DCLK1: variants seen among roughly 807,000 people sequenced by gnomAD.
DCLK1 encodes doublecortin like kinase 1, also known as serine/threonine-protein kinase DCLK1.
DCLK1 carries 16 observed loss-of-function variants against 86.2 expected under a neutral mutation model. The ratio of observed to expected loss-of-function variants is 0.19; its 90% CI spans 0.13 to 0.28. The LOEUF (loss-of-function observed/expected upper bound fraction) is 0.28. DCLK1 is among the 10% of genes least tolerant of loss of function. The pLI, the probability that DCLK1 is intolerant of heterozygous loss-of-function variation, is 1.00. For missense variants in DCLK1, 590 were observed against 940.2 expected, an observed-to-expected ratio of 0.63 and a Z score of 4.87; for synonymous variants, 369 against 370.5, an observed-to-expected ratio of 1.00 and a Z score of 0.05.
chr13:35,788,763 T>A (rs1266488571), intron 16 of DCLK1, among the ~76,000 whole-genome samples: 1 of 152,158 alleles, frequency 6.6e-6, no homozygotes, highest in East Asian at 1.9e-4. Flanking sequence ...ATTACAGCAT[T>A]TAAATTTCTG....
Position 35,890,549 on chromosome 13 carries a change from A to T in DCLK1, c.824-19209T>A, listed in dbSNP as rs181671385. Among the ~76,000 whole-genome samples, 476 of 152,258 alleles carry T rather than the reference A, an allele frequency of 3.1e-3. 1 individual carries two copies. Among genetic ancestry groups the T allele is most frequent in the African/African-American group, 0.011 (456 of 41,554 alleles). On this transcript the variant is annotated intron_variant, in intron 4 of 16. Coordinates refer to ENST00000360631, the MANE Select transcript of DCLK1 (RefSeq NM_001330071.2). Reference sequence around the variant, plus strand: ...TGTGATTACAAATAAACTGCAGTAAACCTTATAAAATACTTTGGTATATTT... The same window carrying T: ...TGTGATTACAAATAAACTGCAGTAATCCTTATAAAATACTTTGGTATATTT...
intron 2 of DCLK1, among the ~76,000 whole-genome samples, chr13:36,119,115 T>A (rs1885892435): frequency 6.6e-6 from 1 of 152,134 alleles, no homozygotes. Context: ...AAGAATGAAT[T>A]CTGGAAAATG....
At chr13:35,965,031 C>T (rs1299136186) in intron 3 of DCLK1, among the ~76,000 whole-genome samples, 2 of 152,148 alleles carry the variant, frequency 1.3e-5, no homozygotes, top group African/African-American at 4.8e-5. Context: ...TGACCGCTGA[C>T]TTAAGCCATA....
chr13:36,109,704 T>C (rs1459485942), intron 3 of DCLK1, among the ~76,000 whole-genome samples: 1 of 152,218 alleles, frequency 6.6e-6, no homozygotes, highest in Non-Finnish European at 1.5e-5. Flanking sequence ...ATAATGAAGC[T>C]CAGTTAAGTG....
At chr13:35,887,110 T>C (rs1449569610) in intron 4 of DCLK1, among the ~76,000 whole-genome samples, 1 of 152,230 alleles carries the variant, frequency 6.6e-6, no homozygotes, top group East Asian at 1.9e-4. Context: ...TCTGTCTTCA[T>C]AGATAAATCC....
intron 4 of DCLK1, among the ~76,000 whole-genome samples, chr13:35,911,422 G>A (rs1037181750): frequency 3.3e-5 from 5 of 152,098 alleles, no homozygotes; most frequent in African/African-American, 1.2e-4. Context: ...CACCACCACA[G>A]GACACCCACG....
At chr13:35,991,212 G>A (rs59473294) in intron 3 of DCLK1, among the ~76,000 whole-genome samples, 69,544 of 152,006 alleles carry the variant, frequency 0.46, 16,307 homozygotes, top group Admixed American at 0.51. Flanking sequence ...TGAACAAACA[G>A]GCCTTGCTAA....
In DCLK1 at chr13:36,022,045, T is replaced by C. The variant is rs535256544; in HGVS notation, c.724-74588A>G. ...TATTAAGCCATAAAATAAACTTTGA[T>C]AAATATAAAAGGGTGGAAATCATAC... On this transcript the variant is annotated intron_variant, in intron 3 of 16. Coordinates refer to ENST00000360631, the MANE Select transcript of DCLK1 (RefSeq NM_001330071.2). 4.6e-5 allele frequency among the ~76,000 whole-genome samples: 7 copies of C among 152,072 alleles called. No homozygotes were observed. In the East Asian group the frequency reaches 1.2e-3, roughly 25 times the overall value.
intron 11 of DCLK1, among the ~76,000 whole-genome samples, chr13:35,817,915 A>C (rs999587251): frequency 6.6e-6 from 1 of 152,204 alleles, no homozygotes; most frequent in African/African-American, 2.4e-5. Context: ...CAACTACACC[A>C]AAACTAACTT....
intron 16 of DCLK1, chr13:35,787,795 G>A: frequency 3.9e-6 from 1 of 258,024 alleles, no homozygotes; most frequent in Non-Finnish European, 7.5e-6. Flanking sequence ...TCAGGTCAAG[G>A]TTGGGCTTGA....
chr13:35,917,092 C>G (rs973684967), intron 4 of DCLK1, among the ~76,000 whole-genome samples: 1 of 152,180 alleles, frequency 6.6e-6, no homozygotes, highest in Non-Finnish European at 1.5e-5. Flanking sequence ...AACTCATACC[C>G]TTTTTGCCCT....
chr13:35,910,185 C>T (rs192212326), intron 4 of DCLK1, among the ~76,000 whole-genome samples: 12 of 152,200 alleles, frequency 7.9e-5, no homozygotes, highest in East Asian at 3.9e-4. Context: ...ACCTACTTTC[C>T]GATAAAAATT....
chr13:35,987,466 C>T (rs937606875), intron 3 of DCLK1, among the ~76,000 whole-genome samples: 2 of 152,078 alleles, frequency 1.3e-5, no homozygotes, highest in Non-Finnish European at 2.9e-5. Flanking sequence ...TCTTTTCACA[C>T]GTATTGTCTC....
rs755506745 is a variant in DCLK1 at position 36,111,917 on chromosome 13, C to T, written c.675G>A (p.Lys225=). ...QVLTDITDAI[K]LDSGVVKRLY... ...GGCGTTTCACCACTCCCGAGTCCAGCTTGATGGCATCGGTGATATCGGTGA... is the reference window on the plus strand; with the variant it reads ...GGCGTTTCACCACTCCCGAGTCCAGTTTGATGGCATCGGTGATATCGGTGA... The change falls in exon 3 of 17, where the codon AAG becomes AAA. Residue 225 remains lysine (K), a synonymous_variant. Transcript: ENST00000360631. The T allele has an allele frequency of 6.2e-6, 10 of 1,614,106 alleles. No individual in the cohort carries two copies. Among genetic ancestry groups the T allele is most frequent in the African/African-American group, 1.3e-5 (1 of 74,946 alleles).
intron 3 of DCLK1, among the ~76,000 whole-genome samples, chr13:35,962,320 A>C (rs1028233536): frequency 9.9e-5 from 15 of 152,182 alleles, no homozygotes; most frequent in Non-Finnish European, 1.9e-4. Context: ...CCTTATAAGA[A>C]AAGGACACTT....
intron 3 of DCLK1, among the ~76,000 whole-genome samples, chr13:35,989,405 G>C (rs955194257): frequency 1.3e-5 from 2 of 151,188 alleles, no homozygotes; most frequent in Non-Finnish European, 1.5e-5. Flanking sequence ...CTGAGTATCT[G>C]GGATTACAGG....
chr13:36,031,808 A>G (rs893768616), intron 3 of DCLK1, among the ~76,000 whole-genome samples: 1 of 152,178 alleles, frequency 6.6e-6, no homozygotes, highest in Non-Finnish European at 1.5e-5. Context: ...CGCAGGAGGA[A>G]CTGCTTTGCA....
At chr13:36,123,386 C>A (rs150641150) in intron 2 of DCLK1, among the ~76,000 whole-genome samples, 338 of 152,252 alleles carry the variant, frequency 2.2e-3, no homozygotes, top group African/African-American at 7.6e-3. Flanking sequence ...ATAAATGCAG[C>A]CAACATGGTG....
intron 8 of DCLK1, among the ~76,000 whole-genome samples, chr13:35,829,335 C>T (rs749812717): frequency 2.0e-5 from 3 of 152,194 alleles, no homozygotes; most frequent in African/African-American, 7.2e-5. Context: ...TAGTAAACCA[C>T]GATTTCACAA....
Sources: allele counts gnomAD v4.1 joint callset (sites outside exome capture counted in the v4.1 genomes callset), GRCh38; gene constraint gnomAD v4.1.1; transcripts MANE v1.5; gene names NCBI Gene and HGNC (gene_info 2026-07-23, HGNC 2026-07-21).